Variants in ZFP1 observed in about 807,000 individuals in gnomAD.
ZFP1 encodes ZFP1 zinc finger protein.
A neutral mutation model predicts 38.5 loss-of-function variants in ZFP1; 32 were observed. That is an observed-to-expected ratio of 0.83 (90% CI 0.63 to 1.12). ZFP1 has a LOEUF of 1.12. Among genes scored for constraint, ZFP1 ranks in the 50% most tolerant of loss-of-function variants. The pLI is 0.00. For synonymous variants in ZFP1, 245 were observed against 168.8 expected, an observed-to-expected ratio of 1.45 and a Z score of -3.50; for missense variants, 616 against 480.8, an observed-to-expected ratio of 1.28 and a Z score of -2.63.
chr16:75,136,839 C>A, the ZFP1 span, among the ~76,000 whole-genome samples: 1 of 151,858 alleles, frequency 6.6e-6, no homozygotes, highest in Non-Finnish European at 1.5e-5. Context: ...ACACTGTGCT[C>A]CAGCCTGGGC....
At chr16:75,155,845 T>A (rs146470404) in intron 2 of ZFP1, among the ~76,000 whole-genome samples, 2 of 152,226 alleles carry the variant, frequency 1.3e-5, no homozygotes, top group Non-Finnish European at 2.9e-5. Flanking sequence ...ATATCACTTA[T>A]AGTCTTAATA....
At chr16:75,121,677 G>A in the ZFP1 span, among the ~76,000 whole-genome samples, 1 of 152,086 alleles carries the variant, frequency 6.6e-6, no homozygotes, top group Non-Finnish European at 1.5e-5. Context: ...GTATTTATGT[G>A]TTGTGTACAC....
intron 2 of ZFP1, among the ~76,000 whole-genome samples, chr16:75,155,647 ATGTAGGCACCC>A (rs2037434362): frequency 1.3e-5 from 2 of 152,218 alleles, no homozygotes; most frequent in Non-Finnish European, 2.9e-5. Context: ...ATGGGTGCCC[ATGTAGGCACCC>A]AAGTTAAGAA....
At chr16:75,146,205 C>A (rs951480507), upstream of ZFP1, among the ~76,000 whole-genome samples, 1 of 151,602 alleles carries the variant, frequency 6.6e-6, no homozygotes, top group African/African-American at 2.4e-5. Flanking sequence ...CTCTGTCGCC[C>A]AGGCTGGAGT....
At chr16:75,167,669 G>A (rs746639543) in intron 3 of ZFP1, among the ~76,000 whole-genome samples, 5 of 152,030 alleles carry the variant, frequency 3.3e-5, no homozygotes, top group South Asian at 2.1e-4. Context: ...GTGACATCAC[G>A]GTGCACTGTA....
upstream of ZFP1, among the ~76,000 whole-genome samples, chr16:75,147,587 A>G (rs540388411): frequency 9.2e-5 from 14 of 152,044 alleles, no homozygotes; most frequent in African/African-American, 3.1e-4. Context: ...GAGCCTGGCC[A>G]GGTGCTGATA....
intron 2 of ZFP1, among the ~76,000 whole-genome samples, chr16:75,153,622 C>A (rs1053535080): frequency 1.3e-5 from 2 of 152,076 alleles, no homozygotes; most frequent in Admixed American, 6.6e-5. Flanking sequence ...CCCCTCATTC[C>A]CAACCCCTAC....
At chr16:75,168,602 G>T (rs112994480) in intron 3 of ZFP1, among the ~76,000 whole-genome samples, 2 of 152,162 alleles carry the variant, frequency 1.3e-5, no homozygotes, top group African/African-American at 4.8e-5. Context: ...TAAGGGTTGT[G>T]TATCTCTTAG....
In ZFP1 at chr16:75,169,690, T is replaced by G. The variant is rs773936053; in HGVS notation, c.580T>G (p.Ser194Ala). ...FICTYCDKAF[S>A]FKSLLISHKR... is the part of the protein sequence containing the mutation. Reference sequence around the variant, plus strand: ...TTGTACTTACTGTGACAAGGCTTTCTCCTTTAAGTCACTCCTCATTAGTCA... The same window carrying G: ...TTGTACTTACTGTGACAAGGCTTTCGCCTTTAAGTCACTCCTCATTAGTCA... The change falls in exon 4 of 4, where the codon TCC becomes GCC. Residue 194 changes from serine (S) to alanine (A), a missense_variant. Coordinates refer to ENST00000570010, the MANE Select transcript of ZFP1 (RefSeq NM_153688.4). 1.2e-6 allele frequency: 2 copies of G among 1,611,086 alleles called. No homozygotes were observed. The highest frequency in any genetic ancestry group is 1.7e-6 in the Non-Finnish European group (2 of 1,179,028).
At chr16:75,144,629 A>G (rs2145478620), upstream of ZFP1, among the ~76,000 whole-genome samples, 1 of 152,318 alleles carries the variant, frequency 6.6e-6, no homozygotes, top group Middle Eastern at 3.4e-3. Context: ...TATATCCATC[A>G]CCACTTTCTC....
the ZFP1 span, among the ~76,000 whole-genome samples, chr16:75,133,140 G>A: frequency 6.6e-6 from 1 of 151,618 alleles, no homozygotes; most frequent in Admixed American, 6.6e-5. Flanking sequence ...ACCACGCCCA[G>A]CTAATTTTGT....
upstream of ZFP1, among the ~76,000 whole-genome samples, chr16:75,143,852 C>G (rs930455347): frequency 6.6e-6 from 1 of 151,330 alleles, no homozygotes; most frequent in Non-Finnish European, 1.5e-5. Context: ...GATGGTTTTG[C>G]CATGTTCCCC....
At chr16:75,166,974 T>G in intron 3 of ZFP1, 78 bp downstream of exon 3, 1 of 1,537,764 alleles carries the variant, frequency 6.5e-7, no homozygotes, top group Non-Finnish European at 8.7e-7. Context: ...GAAATGAGCT[T>G]CTGAATTACT....
intron 2 of ZFP1, among the ~76,000 whole-genome samples, chr16:75,165,809 T>TATCTC (rs924469610): frequency 2.2e-4 from 34 of 152,268 alleles, no homozygotes; most frequent in African/African-American, 7.2e-4. Flanking sequence ...TCTCAGCTGT[T>TATCTC]ATCTCTTCAA....
chr16:75,164,882 C>T (rs989128320), intron 2 of ZFP1, among the ~76,000 whole-genome samples: 24 of 152,094 alleles, frequency 1.6e-4, no homozygotes, highest in South Asian at 6.2e-4. Flanking sequence ...CTCGACTTAC[C>T]GCAACGTCCA....
rs1597094982 is a variant in ZFP1, at chr16:75,170,798, C to T, written c.*464C>T. ...ACAAGATTTTCCATACTAAACATCA[C>T]ATGTGTTTTTCAGTATCTCTGCAAT... On this transcript the variant is annotated 3_prime_UTR_variant, in exon 4 of 4. Transcript: ENST00000570010. The T allele has an allele frequency of 1.3e-5, 2 of 154,934 alleles. No individual in the cohort carries two copies. Among genetic ancestry groups the T allele is most frequent in the Middle Eastern group, 3.4e-3 (1 of 296 alleles). 9.6% of individuals were successfully genotyped at this position (154,934 alleles called of 1,614,324 possible).
chr16:75,139,383 A>C, the ZFP1 span, among the ~76,000 whole-genome samples: 10 of 148,132 alleles, frequency 6.8e-5, no homozygotes, highest in East Asian at 1.9e-4. Context: ...AAAAAAAAAA[A>C]AAAAAAAAAA....
the ZFP1 span, among the ~76,000 whole-genome samples, chr16:75,119,281 A>G: frequency 6.6e-6 from 1 of 152,210 alleles, no homozygotes; most frequent in Non-Finnish European, 1.5e-5. Flanking sequence ...AGCTTGAGCT[A>G]TCTTTATGGC....
chr16:75,145,592 A>AGGGGCAGG, upstream of ZFP1, among the ~76,000 whole-genome samples: 1 of 152,308 alleles, frequency 6.6e-6, no homozygotes, highest in South Asian at 2.1e-4. Flanking sequence ...AGAGGGGCAG[A>AGGGGCAGG]GGGGCAGAGC....
Sources: gnomAD v4.1 joint callset for allele counts (sites outside exome capture counted in the v4.1 genomes callset) on GRCh38, gnomAD v4.1.1 for gene constraint, MANE v1.5 for transcripts, NCBI Gene and HGNC (gene_info 2026-07-23, HGNC 2026-07-21) for gene names.